The following TNS3 variants were observed in gnomAD, a reference collection of about 807,000 sequenced individuals.
TNS3 encodes tensin-3.
TNS3 carries 45 observed loss-of-function variants against 140.9 expected under a neutral mutation model. The ratio of observed to expected loss-of-function variants is 0.32; its 90% CI spans 0.25 to 0.41. TNS3 has a LOEUF of 0.41. TNS3 is among the 10% of genes least tolerant of loss of function. The pLI is 1.00. For missense variants in TNS3, 1,716 were observed against 1,906.7 expected, an observed-to-expected ratio of 0.90 and a Z score of 1.86; for synonymous variants, 815 against 788.4, an observed-to-expected ratio of 1.03 and a Z score of -0.56.
chr7:47,577,668 G>T (rs987747164), intron 1 of TNS3, among the ~76,000 whole-genome samples: 5 of 152,360 alleles, frequency 3.3e-5, no homozygotes, highest in African/African-American at 1.2e-4. Flanking sequence ...CCATCAGGAT[G>T]GCATACATGC....
chr7:47,515,744 C>T (rs1269148266), intron 2 of TNS3, among the ~76,000 whole-genome samples: 2 of 152,180 alleles, frequency 1.3e-5, no homozygotes, highest in Non-Finnish European at 2.9e-5. Context: ...CCATCATCAC[C>T]ATCAATTACA....
intron 17 of TNS3, among the ~76,000 whole-genome samples, chr7:47,347,951 G>T (rs1418831404): frequency 2.0e-5 from 3 of 152,166 alleles, no homozygotes; most frequent in Non-Finnish European, 4.4e-5. Flanking sequence ...TACTCACACA[G>T]CAGCCCCTCA....
At chr7:47,457,211 C>T (rs1203300319) in intron 4 of TNS3, among the ~76,000 whole-genome samples, 4 of 145,942 alleles carry the variant, frequency 2.7e-5, no homozygotes, top group Admixed American at 6.9e-5. Context: ...GCAACCACCT[C>T]GATGTATCCT....
intron 2 of TNS3, among the ~76,000 whole-genome samples, chr7:47,518,626 G>A (rs1798860964): frequency 6.6e-6 from 1 of 152,012 alleles, no homozygotes; most frequent in African/African-American, 2.4e-5. Flanking sequence ...GTTATGAGTT[G>A]GAAAACAGCC....
rs1381445095 is a variant in TNS3, at chr7:47,442,056, C to A, written c.-75-1G>T. The A allele has an allele frequency of 7.9e-7, 1 of 1,272,194 alleles. No homozygotes were observed. Among genetic ancestry groups the A allele is most frequent in the Non-Finnish European group, 1.0e-6 (1 of 983,370 alleles). 78.8% of individuals were successfully genotyped at this position (1,272,194 alleles called of 1,614,324 possible). A position where few individuals can be genotyped will look rare whatever the true frequency, so the allele number is the denominator to read the frequency against. ...TGGACAGCGTGGAACTCCCTGGAGC[C>A]TGCAAATAACAAAACAAGGGTCATT... On this transcript the variant is annotated splice_acceptor_variant, in intron 4 of 30. Coordinates refer to ENST00000311160, the MANE Select transcript of TNS3 (RefSeq NM_022748.12). LOFTEE classifies it low-confidence loss of function (5UTR_SPLICE).
intron 13 of TNS3, among the ~76,000 whole-genome samples, chr7:47,401,708 C>T (rs1226570061): frequency 6.6e-6 from 1 of 152,204 alleles, no homozygotes; most frequent in African/African-American, 2.4e-5. Context: ...TAACTAGGTC[C>T]CCCCTGCTTC....
intron 1 of TNS3, among the ~76,000 whole-genome samples, chr7:47,555,741 C>A (rs201592312): frequency 1.3e-5 from 2 of 152,216 alleles, no homozygotes; most frequent in African/African-American, 4.8e-5. Flanking sequence ...TTAGCAATAA[C>A]GCATTTTTAA....
intron 15 of TNS3, among the ~76,000 whole-genome samples, chr7:47,397,803 A>G (rs1792924011): frequency 6.6e-6 from 1 of 152,226 alleles, no homozygotes; most frequent in Non-Finnish European, 1.5e-5. Context: ...AACTAAACAC[A>G]AAGCTAGTAG....
intron 16 of TNS3, among the ~76,000 whole-genome samples, chr7:47,389,125 A>G (rs1185203905): frequency 0.3 from 4,425 of 14,714 alleles, 1,723 homozygotes; most frequent in South Asian, 0.6. Flanking sequence ...AAGAAGAAGA[A>G]GAAGAAGAAG....
intron 1 of TNS3, among the ~76,000 whole-genome samples, chr7:47,552,313 C>A (rs916991009): frequency 9.9e-5 from 15 of 152,088 alleles, no homozygotes; most frequent in Admixed American, 6.6e-5. Flanking sequence ...AAAATAACAA[C>A]AAAAAATCAC....
intron 20 of TNS3, among the ~76,000 whole-genome samples, chr7:47,324,157 T>G (rs1436533632): frequency 6.6e-6 from 1 of 152,246 alleles, no homozygotes; most frequent in Non-Finnish European, 1.5e-5. Context: ...GCTGGTCTGT[T>G]TTGCACTTTC....
At chr7:47,441,163 C>T (rs1386344880) in intron 5 of TNS3, among the ~76,000 whole-genome samples, 1 of 152,088 alleles carries the variant, frequency 6.6e-6, no homozygotes, top group Admixed American at 6.6e-5. Context: ...CAATACCATA[C>T]ATTTATTTTT....
At chr7:47,485,005 C>T (rs1028394639) in intron 3 of TNS3, among the ~76,000 whole-genome samples, 1 of 152,172 alleles carries the variant, frequency 6.6e-6, no homozygotes, top group Non-Finnish European at 1.5e-5. Context: ...TGGGAGGGTC[C>T]CGGTGCACTG....
chr7:47,343,174 T>C (rs574192590), intron 20 of TNS3, among the ~76,000 whole-genome samples: 1 of 152,186 alleles, frequency 6.6e-6, no homozygotes, highest in Non-Finnish European at 1.5e-5. Flanking sequence ...CCACACATAG[T>C]GCAGCGCTCA....
intron 20 of TNS3, among the ~76,000 whole-genome samples, chr7:47,318,867 G>C (rs1377008179): frequency 6.6e-6 from 1 of 152,240 alleles, no homozygotes; most frequent in African/African-American, 2.4e-5. Context: ...TTGGTTCCAA[G>C]TCTTTAGTCC....
In TNS3 at chr7:47,293,834, G is replaced by C. The variant is rs527965992; in HGVS notation, c.3677-6C>G. 3.6e-5 allele frequency: 58 copies of C among 1,614,102 alleles called. No homozygotes were observed. The South Asian group carries it at 5.9e-4, about 17-fold the overall frequency. On this transcript the variant is annotated splice_polypyrimidine_tract_variant and splice_region_variant and intron_variant, in intron 24 of 30. Transcript: ENST00000311160. ...TTCATTGGCCAAATCTCCAGCTGTG[G>C]CAAGAAATTTAAAGAAAGAAGAATT...
chr7:47,520,014 A>G (rs1389436660), intron 2 of TNS3, among the ~76,000 whole-genome samples: 1 of 151,036 alleles, frequency 6.6e-6, no homozygotes, highest in Non-Finnish European at 1.5e-5. Context: ...TTTAGTAGAG[A>G]CGGGGTTTCA....
At chr7:47,458,748 C>A (rs1471385150) in intron 4 of TNS3, among the ~76,000 whole-genome samples, 2 of 152,146 alleles carry the variant, frequency 1.3e-5, no homozygotes, top group African/African-American at 2.4e-5. Flanking sequence ...ATCTGAGGAG[C>A]CTGTGTAGAC....
At chr7:47,433,672 T>C (rs1795031672) in intron 8 of TNS3, among the ~76,000 whole-genome samples, 1 of 152,180 alleles carries the variant, frequency 6.6e-6, no homozygotes, top group South Asian at 2.1e-4. Context: ...CAGGTCTGGG[T>C]GTGCCCTAGA....
Sources: allele counts gnomAD v4.1 joint callset (sites outside exome capture counted in the v4.1 genomes callset), GRCh38; gene constraint gnomAD v4.1.1; transcripts MANE v1.5; gene names NCBI Gene and HGNC (gene_info 2026-07-23, HGNC 2026-07-21).